B3GALT1: variants seen among roughly 807,000 people sequenced by gnomAD.
B3GALT1 encodes the protein UDP-Gal:betaGlcNAc beta 1,3-galactosyltransferase, polypeptide 1.
Under a neutral mutation model 23.2 loss-of-function variants are expected in B3GALT1, and 10 were observed. The ratio of observed to expected loss-of-function variants is 0.43; its 90% CI spans 0.27 to 0.73. The LOEUF is 0.73. Ranked by LOEUF, B3GALT1 falls within the 30% of genes least tolerant of loss-of-function variation. The probability of loss-of-function intolerance (pLI) is 0.21; values close to 1 mark genes in which losing one functional copy is unlikely to be tolerated. For synonymous variants in B3GALT1, 156 were observed against 141.5 expected (o/e 1.10, Z -0.73); for missense variants, 299 against 405.4 (o/e 0.74, Z 2.25).
intron 2 of B3GALT1, among the ~76,000 whole-genome samples, chr2:167,547,444 T>G (rs1574130166): frequency 6.6e-6 from 1 of 151,976 alleles, no homozygotes; most frequent in Middle Eastern, 3.2e-3. Flanking sequence ...CGCCTGTAAT[T>G]CCAGCACTTT....
chr2:167,770,543 A>G (rs1688055790), intron 3 of B3GALT1, among the ~76,000 whole-genome samples: 2 of 152,068 alleles, frequency 1.3e-5, no homozygotes, highest in South Asian at 4.1e-4. Context: ...TATGATTTGG[A>G]GATTATTTTC....
chr2:167,463,924 G>A (rs567812780), intron 1 of B3GALT1, among the ~76,000 whole-genome samples: 7 of 152,214 alleles, frequency 4.6e-5, no homozygotes, highest in East Asian at 3.9e-4. Flanking sequence ...AGTTCACATC[G>A]TTGGCAAGGC....
chr2:167,510,407 GTTTT>G lies in B3GALT1; in HGVS notation c.-410+20146_-410+20149del, dbSNP rs35191590. Among the ~76,000 whole-genome samples, 425 of 111,122 alleles carry G rather than the reference GTTTT, an allele frequency of 3.8e-3. 2 individuals are homozygous for G. The highest frequency in any genetic ancestry group is 0.013 in the African/African-American group (418 of 32,612). 72.9% of individuals were successfully genotyped at this position (111,122 alleles called of 152,430 possible). A position where few individuals can be genotyped will look rare whatever the true frequency, so the allele number is the denominator to read the frequency against. On this transcript the variant is annotated intron_variant, in intron 2 of 4. Transcript: ENST00000392690. ...TTATAAATTCATGATTGCAAGTTTT[GTTTT>G]TTTTTTTTTTTTTTTCCAGCCTAAG... is the stretch of plus-strand genomic sequence containing the variant.
Position 167,476,135 on chromosome 2 carries a change from A to G in B3GALT1, c.-510-14042A>G, listed in dbSNP as rs544868136. 4.6e-5 allele frequency among the ~76,000 whole-genome samples: 7 copies of G among 152,294 alleles called. No individual in the cohort carries two copies. The East Asian group carries it at 1.4e-3, about 29-fold the overall frequency. Reference sequence around the variant, plus strand: ...GTCTTCAGGGTCAGGACTTCAACCTATGAATTTAGGGGGGCAGTATATACA... The same window carrying G: ...GTCTTCAGGGTCAGGACTTCAACCTGTGAATTTAGGGGGGCAGTATATACA... On this transcript the variant is annotated intron_variant, in intron 1 of 4. Transcript: ENST00000392690.
intron 4 of B3GALT1, among the ~76,000 whole-genome samples, chr2:167,822,628 C>G (rs1222043836): frequency 6.6e-6 from 1 of 152,212 alleles, no homozygotes; most frequent in African/African-American, 2.4e-5. Context: ...GCATACATTT[C>G]TTTTCGCCTT....
At chr2:167,575,243 G>C (rs766744128) in intron 2 of B3GALT1, among the ~76,000 whole-genome samples, 12 of 151,696 alleles carry the variant, frequency 7.9e-5, no homozygotes, top group Non-Finnish European at 1.5e-4. Flanking sequence ...TTATATGAGG[G>C]ATTCAGTTGT....
chr2:167,676,615 G>A (rs1381591738), intron 3 of B3GALT1, among the ~76,000 whole-genome samples: 1 of 151,960 alleles, frequency 6.6e-6, no homozygotes, highest in Non-Finnish European at 1.5e-5. Context: ...AGGCTGGGGT[G>A]CAGTGGCGCA....
chr2:167,733,368 G>A (rs537847784), intron 3 of B3GALT1, among the ~76,000 whole-genome samples: 136 of 152,134 alleles, frequency 8.9e-4, no homozygotes, highest in Admixed American at 1.5e-3. Context: ...CTTTGAATGC[G>A]GCCCAACACA....
chr2:167,551,762 TG>T (rs948929904), intron 2 of B3GALT1, among the ~76,000 whole-genome samples: 1 of 151,720 alleles, frequency 6.6e-6, no homozygotes, highest in Non-Finnish European at 1.5e-5. Context: ...AGGCACCATA[TG>T]GGGTAGCAGC....
chr2:167,785,673 C>T (rs183610316), intron 3 of B3GALT1, among the ~76,000 whole-genome samples: 1 of 152,320 alleles, frequency 6.6e-6, no homozygotes, highest in East Asian at 1.9e-4. Context: ...ATGCATAAAA[C>T]CTTTAAATGT....
At chr2:167,307,727 C>CTAA (rs1009881001) in intron 1 of B3GALT1, among the ~76,000 whole-genome samples, 42 of 151,940 alleles carry the variant, frequency 2.8e-4, no homozygotes, top group African/African-American at 1.0e-3. Context: ...CTCTGCTGTA[C>CTAA]TGTTTAGGGA....
At chr2:167,447,144 C>T (rs536410464) in intron 1 of B3GALT1, among the ~76,000 whole-genome samples, 17 of 152,258 alleles carry the variant, frequency 1.1e-4, no homozygotes, top group Admixed American at 1.0e-3. Context: ...CCCTGTTTGC[C>T]TGGGTATCAC....
At chr2:167,418,564 A>G (rs1377718170) in intron 1 of B3GALT1, among the ~76,000 whole-genome samples, 1 of 152,178 alleles carries the variant, frequency 6.6e-6, no homozygotes, top group Non-Finnish European at 1.5e-5. Context: ...GCCATTGTAG[A>G]ATTAAATTTG....
chr2:167,674,840 C>G (rs1686394343), intron 3 of B3GALT1, among the ~76,000 whole-genome samples: 1 of 152,022 alleles, frequency 6.6e-6, no homozygotes, highest in African/African-American at 2.4e-5. Context: ...TGAATAGTTG[C>G]ATATTTGTGA....
intron 1 of B3GALT1, among the ~76,000 whole-genome samples, chr2:167,321,551 GCAC>G (rs1696810288): frequency 6.6e-6 from 1 of 151,894 alleles, no homozygotes; most frequent in African/African-American, 2.4e-5. Flanking sequence ...GAATATCCAA[GCAC>G]CACATCTAAT....
intron 1 of B3GALT1, among the ~76,000 whole-genome samples, chr2:167,452,139 C>T (rs1307274410): frequency 6.6e-6 from 1 of 152,144 alleles, no homozygotes; most frequent in Non-Finnish European, 1.5e-5. Context: ...TTTCAGTTTT[C>T]ACACCTTCCC....
At chr2:167,697,382 T>C (rs1215461213) in intron 3 of B3GALT1, among the ~76,000 whole-genome samples, 1 of 152,178 alleles carries the variant, frequency 6.6e-6, no homozygotes, top group African/African-American at 2.4e-5. Flanking sequence ...GCTGTGATGG[T>C]TGTTTGCATT....
At chr2:167,421,249 C>A (rs1045674507) in intron 1 of B3GALT1, among the ~76,000 whole-genome samples, 4 of 152,138 alleles carry the variant, frequency 2.6e-5, no homozygotes, top group African/African-American at 9.7e-5. Context: ...TTGTACTAGT[C>A]ACATTGCAAT....
At chr2:167,470,505 A>C (rs1166599640) in intron 1 of B3GALT1, among the ~76,000 whole-genome samples, 11 of 152,110 alleles carry the variant, frequency 7.2e-5, no homozygotes. Context: ...TAGTGTATGG[A>C]GTGCTGTGAG....
Sources: gnomAD v4.1 joint callset for allele counts (sites outside exome capture counted in the v4.1 genomes callset) on GRCh38, gnomAD v4.1.1 for gene constraint, MANE v1.5 for transcripts, NCBI Gene and HGNC (gene_info 2026-07-23, HGNC 2026-07-21) for gene names.